The following SGCD variants were observed in gnomAD, a reference collection of about 807,000 sequenced individuals.
SGCD encodes sarcoglycan delta.
Under a neutral mutation model 36.6 loss-of-function variants are expected in SGCD, and 18 were observed. That is an observed-to-expected ratio of 0.49 (90% confidence interval 0.34 to 0.73). SGCD has a LOEUF of 0.73. Ranked by LOEUF, SGCD falls within the 30% of genes least tolerant of loss-of-function variation. The pLI is 0.01. For synonymous variants in SGCD, 133 were observed against 130.6 expected, an observed-to-expected ratio of 1.02 and a Z score of -0.12; for missense variants, 387 against 346.7, an observed-to-expected ratio of 1.12 and a Z score of -0.92.
chr5:156,160,722 T>C (rs1448700837), intron 3 of SGCD, among the ~76,000 whole-genome samples: 1 of 151,736 alleles, frequency 6.6e-6, no homozygotes, highest in Non-Finnish European at 1.5e-5. Flanking sequence ...GATTTTTTTT[T>C]GCCTCTTCTT....
intron 1 of SGCD, among the ~76,000 whole-genome samples, chr5:156,110,819 G>A (rs934867715): frequency 6.6e-6 from 1 of 152,106 alleles, no homozygotes; most frequent in Non-Finnish European, 1.5e-5. Context: ...TGAAAGATAA[G>A]TAATGTTCTT....
At chr5:156,750,188 A>T (rs575352253) in intron 7 of SGCD, among the ~76,000 whole-genome samples, 3 of 152,270 alleles carry the variant, frequency 2.0e-5, no homozygotes, top group Admixed American at 6.5e-5. Flanking sequence ...TGGCAAAATG[A>T]GAATAGAAGA....
At chr5:156,295,696 C>T (rs577337135) in intron 3 of SGCD, among the ~76,000 whole-genome samples, 33 of 152,298 alleles carry the variant, frequency 2.2e-4, no homozygotes, top group Middle Eastern at 3.4e-3. Flanking sequence ...GATGGCCTAA[C>T]GCATAAATGT....
At chr5:155,797,536 A>G in the SGCD span, among the ~76,000 whole-genome samples, 6,234 of 152,310 alleles carry the variant, frequency 0.041, 392 homozygotes, top group African/African-American at 0.14. Context: ...AAATTTTTAT[A>G]TAAGTGGACA....
intron 3 of SGCD, among the ~76,000 whole-genome samples, chr5:156,167,105 C>A (rs928843477): frequency 6.6e-5 from 10 of 152,082 alleles, no homozygotes; most frequent in Non-Finnish European, 1.3e-4. Context: ...CTGGCCTCAA[C>A]ACCCCAATCA....
intron 1 of SGCD, among the ~76,000 whole-genome samples, chr5:155,976,299 C>T (rs577615025): frequency 1.3e-5 from 2 of 151,994 alleles, no homozygotes; most frequent in Non-Finnish European, 2.9e-5. Context: ...TGCAGGGGTA[C>T]CTGTTACATT....
At chr5:156,079,884 C>T (rs1244728648) in intron 1 of SGCD, among the ~76,000 whole-genome samples, 1 of 152,214 alleles carries the variant, frequency 6.6e-6, no homozygotes, top group Admixed American at 6.5e-5. Flanking sequence ...TGGCCTCATT[C>T]CCACAGCTCC....
intron 1 of SGCD, among the ~76,000 whole-genome samples, chr5:156,031,972 G>A (rs1437774295): frequency 1.3e-5 from 2 of 152,110 alleles, no homozygotes; most frequent in African/African-American, 4.8e-5. Context: ...AGGAAAATTA[G>A]ATGATATAGA....
At chr5:156,041,873 G>A (rs1455736546) in intron 1 of SGCD, among the ~76,000 whole-genome samples, 1 of 152,198 alleles carries the variant, frequency 6.6e-6, no homozygotes, top group Non-Finnish European at 1.5e-5. Flanking sequence ...GGCAGTGAGT[G>A]ACCTTTGGAC....
chr5:155,959,855 G>A (rs1334287594), intron 1 of SGCD, among the ~76,000 whole-genome samples: 1 of 152,008 alleles, frequency 6.6e-6, no homozygotes, highest in African/African-American at 2.4e-5. Context: ...TCAACTTGAG[G>A]AAACTGAAAC....
chr5:155,902,369 C>T (rs1391902521), intron 1 of SGCD, among the ~76,000 whole-genome samples: 2 of 152,148 alleles, frequency 1.3e-5, no homozygotes, highest in Admixed American at 6.5e-5. Context: ...ATGATGTTCC[C>T]TCTTTGAATT....
intron 1 of SGCD, among the ~76,000 whole-genome samples, chr5:156,040,321 C>G (rs1759605085): frequency 6.6e-6 from 1 of 152,152 alleles, no homozygotes; most frequent in Non-Finnish European, 1.5e-5. Context: ...GCGGGAGCCC[C>G]TTTCAAGAAT....
intron 1 of SGCD, among the ~76,000 whole-genome samples, chr5:156,009,342 A>G (rs1758812910): frequency 6.6e-6 from 1 of 152,152 alleles, no homozygotes; most frequent in Admixed American, 6.5e-5. Context: ...CAATCCCCAC[A>G]GTTGGAGGTG....
intron 1 of SGCD, among the ~76,000 whole-genome samples, chr5:156,033,023 G>T (rs753639692): frequency 6.6e-6 from 1 of 152,116 alleles, no homozygotes; most frequent in Middle Eastern, 3.4e-3. Context: ...GCTGCAGTGA[G>T]CTGTAATCAC....
intron 3 of SGCD, among the ~76,000 whole-genome samples, chr5:156,254,574 C>T (rs1398167443): frequency 1.3e-5 from 2 of 152,106 alleles, no homozygotes; most frequent in Non-Finnish European, 2.9e-5. Context: ...GTTGGCCAGA[C>T]ATGGTGTCTC....
intron 1 of SGCD, among the ~76,000 whole-genome samples, chr5:156,060,941 T>G (rs1436975563): frequency 1.4e-5 from 2 of 145,818 alleles, no homozygotes; most frequent in Non-Finnish European, 3.1e-5. Flanking sequence ...CACCTCATTT[T>G]AACATCCCCA....
chr5:156,700,842 C>T (rs1487602380), intron 7 of SGCD, among the ~76,000 whole-genome samples: 1 of 150,636 alleles, frequency 6.6e-6, no homozygotes, highest in East Asian at 2.0e-4. Context: ...TCTCAAGAGG[C>T]TGAGGCAGAA....
chr5:156,448,913 C>A (rs1753870325), intron 3 of SGCD, among the ~76,000 whole-genome samples: 1 of 151,340 alleles, frequency 6.6e-6, no homozygotes, highest in Non-Finnish European at 1.5e-5. Flanking sequence ...CCCCACCACA[C>A]CCAGCTAATT....
chr5:155,756,160 G>A, the SGCD span, among the ~76,000 whole-genome samples: 2 of 152,196 alleles, frequency 1.3e-5, no homozygotes, highest in African/African-American at 4.8e-5. Context: ...AAAGGGCATA[G>A]CATAGTAGAG....
Sources: allele counts gnomAD v4.1 joint callset (sites outside exome capture counted in the v4.1 genomes callset), GRCh38; gene constraint gnomAD v4.1.1; transcripts MANE v1.5; gene names NCBI Gene and HGNC (gene_info 2026-07-23, HGNC 2026-07-21).